Variants in KLHL14 observed in about 807,000 individuals in gnomAD.
KLHL14 encodes kelch-like protein 14.
Under a neutral mutation model 64.3 loss-of-function variants are expected in KLHL14, and 22 were observed. That is an observed-to-expected ratio of 0.34 (90% CI 0.24 to 0.49). The LOEUF is 0.49. Among genes scored for constraint, KLHL14 ranks in the 20% least tolerant of loss-of-function variants. The pLI is 0.99. For missense variants in KLHL14, 661 were observed against 789.0 expected, an observed-to-expected ratio of 0.84 and a Z score of 1.94; for synonymous variants, 322 against 333.4, an observed-to-expected ratio of 0.97 and a Z score of 0.37.
At chr18:32,682,180 G>A (rs2049842851) in intron 5 of KLHL14, among the ~76,000 whole-genome samples, 1 of 152,152 alleles carries the variant, frequency 6.6e-6, no homozygotes, top group South Asian at 2.1e-4. Context: ...TACCATATAG[G>A]CATGATATTT....
At chr18:32,707,615 G>A (rs2049996820) in intron 3 of KLHL14, among the ~76,000 whole-genome samples, 1 of 152,190 alleles carries the variant, frequency 6.6e-6, no homozygotes, top group African/African-American at 2.4e-5. Context: ...TAGAAGATGT[G>A]TACCTGACCA....
chr18:32,712,287 G>T (rs1055016659), intron 3 of KLHL14, among the ~76,000 whole-genome samples: 1 of 152,134 alleles, frequency 6.6e-6, no homozygotes, highest in African/African-American at 2.4e-5. Flanking sequence ...TCTGCTCCCT[G>T]ATTTACTTTT....
intron 3 of KLHL14, chr18:32,737,386 G>T (rs1174200877): frequency 6.6e-6 from 1 of 152,094 alleles, no homozygotes; most frequent in Non-Finnish European, 1.5e-5. Flanking sequence ...AAACAGAAGG[G>T]CCAAGGAAAG....
chr18:32,756,597 G>T (rs751972938), intron 2 of KLHL14, among the ~76,000 whole-genome samples: 1 of 152,158 alleles, frequency 6.6e-6, no homozygotes, highest in African/African-American at 2.4e-5. Flanking sequence ...TCCTGGGATA[G>T]ATTTTTACCT....
intron 2 of KLHL14, among the ~76,000 whole-genome samples, chr18:32,748,373 T>C (rs913364557): frequency 1.3e-4 from 4 of 30,592 alleles, no homozygotes; most frequent in African/African-American, 3.0e-4. Flanking sequence ...TTGTATTTTT[T>C]AATTTTTTTT....
rs1555667341 is a variant in KLHL14 at position 32,768,431 on chromosome 18, A to ACC, written c.947+1212_947+1213dup. 3.5e-5 allele frequency among the ~76,000 whole-genome samples: 5 copies of ACC among 143,676 alleles called. No individual in the cohort carries two copies. The South Asian group carries it at 6.6e-4, about 19-fold the overall frequency. The allele number at this position is 143,676 out of a possible 152,430, so 94.3% of individuals were successfully genotyped here. On this transcript the variant is annotated intron_variant, in intron 2 of 8. Coordinates refer to ENST00000359358, the MANE Select transcript of KLHL14 (RefSeq NM_020805.3). ...CACACACACACACACACACACACAC[A>ACC]CCATTTAATTCTATAAGGCTGCACA...
At chr18:32,682,879 A>G (rs188991327) in intron 5 of KLHL14, among the ~76,000 whole-genome samples, 1 of 152,230 alleles carries the variant, frequency 6.6e-6, no homozygotes. Flanking sequence ...CTTCCATGTG[A>G]TTCTAGGGGC....
chr18:32,755,272 G>A (rs1051763235), intron 2 of KLHL14, among the ~76,000 whole-genome samples: 2 of 152,110 alleles, frequency 1.3e-5, no homozygotes, highest in African/African-American at 2.4e-5. Context: ...CACCCAATCA[G>A]CTAATCTGGA....
chr18:32,690,221 C>T (rs979939766), intron 4 of KLHL14, among the ~76,000 whole-genome samples: 9 of 152,020 alleles, frequency 5.9e-5, no homozygotes, highest in African/African-American at 1.2e-4. Flanking sequence ...GTGGCATTAC[C>T]GGCAAAACAG....
At chr18:32,712,134 C>A (rs1027438012) in intron 3 of KLHL14, among the ~76,000 whole-genome samples, 2 of 152,158 alleles carry the variant, frequency 1.3e-5, no homozygotes, top group Non-Finnish European at 2.9e-5. Context: ...TGTGCCACAA[C>A]CACAGAGTTG....
At chr18:32,731,718 A>C (rs2050137891) in intron 3 of KLHL14, among the ~76,000 whole-genome samples, 1 of 151,944 alleles carries the variant, frequency 6.6e-6, no homozygotes, top group African/African-American at 2.4e-5. Context: ...ATCTACGTGT[A>C]TATATCTATA....
intron 3 of KLHL14, among the ~76,000 whole-genome samples, chr18:32,696,321 T>C (rs1265966544): frequency 6.6e-6 from 1 of 152,218 alleles, no homozygotes; most frequent in Non-Finnish European, 1.5e-5. Context: ...GCTTTCTCTG[T>C]ATTTGTTCTG....
chr18:32,681,747 G>T (rs2049840030), intron 5 of KLHL14, among the ~76,000 whole-genome samples: 1 of 152,184 alleles, frequency 6.6e-6, no homozygotes, highest in Non-Finnish European at 1.5e-5. Flanking sequence ...GACAAGGAGT[G>T]CTACAGGTTT....
At chr18:32,684,664 G>C (rs991311127) in intron 5 of KLHL14, among the ~76,000 whole-genome samples, 1 of 152,112 alleles carries the variant, frequency 6.6e-6, no homozygotes, top group African/African-American at 2.4e-5. Context: ...TTTTTCAGCA[G>C]TTTGGTAGCA....
rs184076279 is a variant in KLHL14 at position 32,731,533 on chromosome 18, G to A, written c.1069+10395C>T. Among the ~76,000 whole-genome samples, 1,297 of 152,142 alleles carry A rather than the reference G, an allele frequency of 8.5e-3. 7 individuals carry two copies. The highest frequency in any genetic ancestry group is 0.013 in the Non-Finnish European group (885 of 67,994). On this transcript the variant is annotated intron_variant, in intron 3 of 8. Transcript: ENST00000359358. ...GAGGAGCAGAAAAGATAGCTATTGG[G>A]TACTGAGCTTAATACCTGAGTGATG...
intron 3 of KLHL14, among the ~76,000 whole-genome samples, chr18:32,726,986 G>A (rs1413122034): frequency 3.3e-5 from 5 of 152,200 alleles, no homozygotes; most frequent in Admixed American, 6.5e-5. Flanking sequence ...ATATGCTTGA[G>A]GGGCAAGCTG....
intron 2 of KLHL14, among the ~76,000 whole-genome samples, chr18:32,761,912 G>A (rs2050316321): frequency 6.6e-6 from 1 of 152,160 alleles, no homozygotes; most frequent in East Asian, 1.9e-4. Flanking sequence ...TTAGAAAGCT[G>A]TCAGAGGTCC....
chr18:32,676,601 A>G (rs1368960929), intron 8 of KLHL14, among the ~76,000 whole-genome samples: 1 of 152,148 alleles, frequency 6.6e-6, no homozygotes, highest in East Asian at 1.9e-4. Context: ...TCTGGGATCT[A>G]CTTCATATTG....
chr18:32,758,161 T>G (rs527770502), intron 2 of KLHL14, among the ~76,000 whole-genome samples: 2 of 152,242 alleles, frequency 1.3e-5, no homozygotes, highest in Admixed American at 1.3e-4. Context: ...CTCGCTCTAT[T>G]GCCCAGGCTG....
Sources: gnomAD v4.1 joint callset for allele counts (sites outside exome capture counted in the v4.1 genomes callset) on GRCh38, gnomAD v4.1.1 for gene constraint, MANE v1.5 for transcripts, NCBI Gene and HGNC (gene_info 2026-07-23, HGNC 2026-07-21) for gene names.